PTPDC1: variants seen among roughly 807,000 people sequenced by gnomAD.
PTPDC1 encodes the protein protein tyrosine phosphatase domain-containing protein 1.
In PTPDC1, 53 loss-of-function variants were observed where a neutral mutation model predicts 75.3. The ratio of observed to expected loss-of-function variants is 0.70; its 90% CI spans 0.56 to 0.88. The LOEUF (loss-of-function observed/expected upper bound fraction) is 0.88. PTPDC1 is among the 40% of genes least tolerant of loss of function. PTPDC1 has a pLI of 0.00. For synonymous variants in PTPDC1, 349 were observed against 366.2 expected, an observed-to-expected ratio of 0.95 and a Z score of 0.54; for missense variants, 925 against 998.6, an observed-to-expected ratio of 0.93 and a Z score of 0.99.
At chr9:94,088,310 CAG>C (rs1827150083) in intron 4 of PTPDC1, 47 bp downstream of exon 4, 6 of 1,589,216 alleles carry the variant, frequency 3.8e-6, no homozygotes, top group Non-Finnish European at 4.3e-6. Context: ...GGGCAGCACT[CAG>C]AGGCTTTTCT....
chr9:94,065,076 G>A (rs1457140868), intron 2 of PTPDC1, among the ~76,000 whole-genome samples: 1 of 152,240 alleles, frequency 6.6e-6, no homozygotes, highest in Non-Finnish European at 1.5e-5. Flanking sequence ...CTGAGATTAT[G>A]CATTTGTTCC....
In PTPDC1 at chr9:94,089,042, T is replaced by C. The variant is rs188192778; in HGVS notation, c.616+779T>C. On this transcript the variant is annotated intron_variant, in intron 4 of 8. Coordinates refer to ENST00000620992, the MANE Select transcript of PTPDC1 (RefSeq NM_001253829.2). ...GGCTGAGTTTCTGCAGGAAATGTCT[T>C]TTTTTTTTCATATTTACATTTTTAT... 4.2e-4 allele frequency among the ~76,000 whole-genome samples: 62 copies of C among 147,830 alleles called. 2 individuals carry two copies. In the East Asian group the frequency reaches 0.011, roughly 27 times the overall value.
chr9:94,086,551 A>G (rs1453349802), intron 2 of PTPDC1, among the ~76,000 whole-genome samples: 1 of 152,040 alleles, frequency 6.6e-6, no homozygotes, highest in Non-Finnish European at 1.5e-5. Context: ...GATTCATGTG[A>G]CCCACGACTT....
upstream of PTPDC1, among the ~76,000 whole-genome samples, chr9:94,083,408 G>T (rs1481203700): frequency 6.6e-6 from 1 of 151,950 alleles, no homozygotes; most frequent in Non-Finnish European, 1.5e-5. Context: ...TTACTGGGGA[G>T]ATGGGGGCGG....
chr9:94,074,941 G>A (rs1023538217), intron 2 of PTPDC1, among the ~76,000 whole-genome samples: 2 of 152,292 alleles, frequency 1.3e-5, no homozygotes, highest in Admixed American at 6.5e-5. Context: ...GATGATGGAT[G>A]AGAACGAAGG....
intron 1 of PTPDC1, 57 bp downstream of exon 1, chr9:94,084,831 T>TCAGC: frequency 8.0e-7 from 1 of 1,245,826 alleles, no homozygotes; most frequent in Non-Finnish European, 1.1e-6. Context: ...GGAATGGGAA[T>TCAGC]CAGCTGTGTT....
In PTPDC1 at chr9:94,046,555, C is replaced by T. The variant is rs1262945725; in HGVS notation, c.-7+15428C>T. Among the ~76,000 whole-genome samples the T allele has an allele frequency of 3.9e-5, 6 of 152,196 alleles. No homozygotes were observed. The East Asian group carries it at 1.2e-3, about 29-fold the overall frequency. On this transcript the variant is annotated intron_variant, in intron 1 of 9. Coordinates refer to the PTPDC1 transcript ENST00000375360. ...GTTTGTAGTTCTTCTTGACGAGGTC[C>T]TTCACGTCCCTTGTAAGTTGGATTC...
Position 94,084,525 on chromosome 9 carries a change from A to G in PTPDC1, c.-6A>G. The G allele has an allele frequency of 6.2e-7, 1 of 1,609,926 alleles. No individual in the cohort carries two copies. The highest frequency in any genetic ancestry group is 8.5e-7 in the Non-Finnish European group (1 of 1,179,944). On this transcript the variant is annotated 5_prime_UTR_variant, in exon 1 of 9. Coordinates refer to ENST00000620992, the MANE Select transcript of PTPDC1 (RefSeq NM_001253829.2). ...TTCCTGCCTCCGGCTCTTGCCTCCC[A>G]GTGCCATGCAGGTGCAGGATGCAAC...
At chr9:94,046,877 A>G (rs1825615296) in intron 1 of PTPDC1, among the ~76,000 whole-genome samples, 1 of 152,146 alleles carries the variant, frequency 6.6e-6, no homozygotes, top group Admixed American at 6.5e-5. Flanking sequence ...AACTTCCAAC[A>G]CTATGTTGAA....
chr9:94,087,882 G>A lies in PTPDC1; in HGVS notation c.468G>A (p.Glu156=). 6.2e-7 allele frequency: 1 copy of A among 1,613,840 alleles called. No individual in the cohort carries two copies. The highest frequency in any genetic ancestry group is 8.5e-7 in the Non-Finnish European group (1 of 1,179,754). The change falls in exon 3 of 9, where the codon GAG becomes GAA. Residue 156 remains glutamate (E), a synonymous_variant. Transcript: ENST00000620992. ...AMARPSSELL[E]KYHIIDQFLS... ...CCCGCCCATCCTCTGAGCTCCTGGA[G>A]AAGTACCACATCATTGATCAGTTCC...
chr9:94,061,867 G>A (rs1329797203), intron 1 of PTPDC1, among the ~76,000 whole-genome samples: 1 of 152,250 alleles, frequency 6.6e-6, no homozygotes, highest in Non-Finnish European at 1.5e-5. Flanking sequence ...ATGCCTTCAA[G>A]GCGTTTTTCC....
chr9:94,086,880 A>C (rs1827090659), intron 2 of PTPDC1, among the ~76,000 whole-genome samples: 1 of 152,210 alleles, frequency 6.6e-6, no homozygotes, highest in South Asian at 2.1e-4. Context: ...ACCAAGCCCA[A>C]CTGACTCTGG....
chr9:94,056,013 C>A (rs1450539547), intron 1 of PTPDC1, among the ~76,000 whole-genome samples: 1 of 152,082 alleles, frequency 6.6e-6, no homozygotes, highest in Non-Finnish European at 1.5e-5. Flanking sequence ...AACAAACTTA[C>A]CACTCTGTTG....
At chr9:94,080,692 A>G (rs1826847658), upstream of PTPDC1, among the ~76,000 whole-genome samples, 1 of 152,240 alleles carries the variant, frequency 6.6e-6, no homozygotes. Flanking sequence ...AAGGTCATCA[A>G]AGTCAAGGAA....
chr9:94,061,419 T>G (rs1826129914), intron 1 of PTPDC1, among the ~76,000 whole-genome samples: 1 of 152,220 alleles, frequency 6.6e-6, no homozygotes, highest in African/African-American at 2.4e-5. Context: ...GGCCTTCTTC[T>G]CACAGCTGCA....
At position 94,108,797 on chromosome 9, in the gene PTPDC1, C is replaced by T. The variant is rs1273107971; in HGVS notation, c.*853C>T. ...AGTTGCTAAGAAGCAGGGCTTGCCT[C>T]TGTCCTCCCGGGGACTCCACAGGGA... On this transcript the variant is annotated 3_prime_UTR_variant, in exon 9 of 9. Coordinates refer to ENST00000620992, the MANE Select transcript of PTPDC1 (RefSeq NM_001253829.2). 1 of 152,302 alleles carries T rather than the reference C, an allele frequency of 6.6e-6. No homozygotes were observed. The highest frequency in any genetic ancestry group is 1.9e-4 in the East Asian group (1 of 5,198). 9.4% of individuals were successfully genotyped at this position (152,302 alleles called of 1,614,324 possible).
At chr9:94,033,515 C>T (rs10116746) in intron 1 of PTPDC1, among the ~76,000 whole-genome samples, 24,733 of 151,996 alleles carry the variant, frequency 0.16, 2,388 homozygotes, top group East Asian at 0.28. Context: ...GTTATGTGAC[C>T]TCGGGCTGGT....
chr9:94,092,620 T>C (rs1177645047), intron 4 of PTPDC1, among the ~76,000 whole-genome samples: 2 of 151,828 alleles, frequency 1.3e-5, no homozygotes, highest in Non-Finnish European at 2.9e-5. Context: ...CAGAGCTGAG[T>C]TCAATTCCTG....
intron 1 of PTPDC1, among the ~76,000 whole-genome samples, chr9:94,052,778 C>G (rs993679237): frequency 2.0e-5 from 3 of 152,088 alleles, no homozygotes; most frequent in African/African-American, 7.2e-5. Flanking sequence ...ACCTCATTGT[C>G]TTTGCATTTT....
Sources: gnomAD v4.1 joint callset for allele counts (sites outside exome capture counted in the v4.1 genomes callset) on GRCh38, gnomAD v4.1.1 for gene constraint, MANE v1.5 for transcripts, NCBI Gene and HGNC (gene_info 2026-07-23, HGNC 2026-07-21) for gene names.